The following NHSL1 variants were observed in gnomAD, a reference collection of about 807,000 sequenced individuals.
NHSL1 encodes the protein NHS like 1.
Under a neutral mutation model 95.0 loss-of-function variants are expected in NHSL1, and 48 were observed. The observed-to-expected ratio is 0.51, with a 90% confidence interval of 0.40 to 0.64. NHSL1 has a LOEUF of 0.64. Among genes scored for constraint, NHSL1 ranks in the 30% least tolerant of loss-of-function variants. The pLI is 0.00. For missense variants in NHSL1, 1,971 were observed against 2,077.7 expected, an observed-to-expected ratio of 0.95 and a Z score of 1.00; for synonymous variants, 783 against 833.9, an observed-to-expected ratio of 0.94 and a Z score of 1.05.
At chr6:138,562,172 AT>A (rs1251464547) in intron 1 of NHSL1, among the ~76,000 whole-genome samples, 1 of 152,212 alleles carries the variant, frequency 6.6e-6, no homozygotes, top group African/African-American at 2.4e-5. Context: ...TTCCAATCAC[AT>A]TTATTAAAAC....
At chr6:138,523,238 G>A (rs2128310172) in intron 1 of NHSL1, among the ~76,000 whole-genome samples, 1 of 152,268 alleles carries the variant, frequency 6.6e-6, no homozygotes, top group Non-Finnish European at 1.5e-5. Flanking sequence ...GTGGGGCAGG[G>A]GAATGGTGGG....
At chr6:138,477,800 G>A (rs1779167711) in intron 2 of NHSL1, among the ~76,000 whole-genome samples, 1 of 152,086 alleles carries the variant, frequency 6.6e-6, no homozygotes, top group East Asian at 1.9e-4. Context: ...TTCTAAGGAT[G>A]ATTATTAGTT....
chr6:138,455,616 A>G (rs1410569636), intron 3 of NHSL1, among the ~76,000 whole-genome samples: 1 of 152,142 alleles, frequency 6.6e-6, no homozygotes, highest in Non-Finnish European at 1.5e-5. Context: ...GCCATTTCAT[A>G]TTTCTGAGTC....
intron 2 of NHSL1, among the ~76,000 whole-genome samples, chr6:138,489,264 T>C (rs555963242): frequency 2.6e-5 from 4 of 152,336 alleles, no homozygotes; most frequent in Admixed American, 1.3e-4. Flanking sequence ...GGCAGGTACA[T>C]TGAGATATTA....
At chr6:138,556,379 T>TA (rs1260082119) in intron 1 of NHSL1, among the ~76,000 whole-genome samples, 1 of 152,168 alleles carries the variant, frequency 6.6e-6, no homozygotes, top group African/African-American at 2.4e-5. Context: ...ACAGAAGGAA[T>TA]AACAATGCTT....
chr6:138,476,934 C>T (rs1400366004), intron 2 of NHSL1, among the ~76,000 whole-genome samples: 2 of 144,696 alleles, frequency 1.4e-5, no homozygotes, highest in Admixed American at 7.0e-5. Context: ...ATGTAACAAA[C>T]CTGCACATAT....
At position 138,673,027 on chromosome 6, in the gene NHSL1, A is replaced by C. The variant is rs1286059812; in HGVS notation, c.96+19449T>G. On this transcript the variant is annotated intron_variant, in intron 1 of 3. Coordinates refer to the NHSL1 transcript ENST00000491526. Reference sequence around the variant, plus strand: ...GACTGTCTCATAGATAGCTAGATAGATAGGTAGATAGATAGATAGATAGAT... The same window carrying C: ...GACTGTCTCATAGATAGCTAGATAGCTAGGTAGATAGATAGATAGATAGAT... 5.5e-5 allele frequency among the ~76,000 whole-genome samples: 3 copies of C among 54,320 alleles called. No homozygotes were observed. In the East Asian group the frequency reaches 1.7e-3, roughly 30 times the overall value. 35.6% of individuals were successfully genotyped at this position (54,320 alleles called of 152,430 possible).
rs1258849271 is a variant in NHSL1, at chr6:138,431,915, G to A, written c.2430C>T (p.Asn810=). Residue 810 remains asparagine, a synonymous_variant, in exon 6 of 8, where the codon AAC becomes AAT. Coordinates refer to ENST00000343505, the MANE Select transcript of NHSL1 (RefSeq NM_001144060.2). This position sits in a 1 kb window ranked among gnomAD's most constrained non-coding sequence, Gnocchi z 4.0. ...CTTCTTGGACATGGCGGACTGGCCC[G>A]TTCCCAGTGGGCACCCCACTGCTGG... ...CSTSSGVPTG[N]GPVRHVQEGS... 7.1e-6 allele frequency: 11 copies of A among 1,551,600 alleles called. No individual in the cohort carries two copies. The highest frequency in any genetic ancestry group is 2.7e-5 in the African/African-American group (2 of 73,040).
chr6:138,654,907 AATGAT>A (rs1385009096), intron 1 of NHSL1, among the ~76,000 whole-genome samples: 1 of 152,220 alleles, frequency 6.6e-6, no homozygotes, highest in East Asian at 1.9e-4. Flanking sequence ...TGTGCACATG[AATGAT>A]ATGAGTCAGA....
chr6:138,441,926 C>G (rs1776549163), intron 5 of NHSL1, 57 bp downstream of exon 5: 1 of 1,471,372 alleles, frequency 6.8e-7, no homozygotes, highest in Non-Finnish European at 9.1e-7. Context: ...ATGAGGTTAG[C>G]GCAGTAAGGC....
intron 1 of NHSL1, among the ~76,000 whole-genome samples, chr6:138,560,369 C>T (rs930949610): frequency 9.9e-5 from 15 of 152,174 alleles, no homozygotes; most frequent in African/African-American, 3.6e-4. Flanking sequence ...AAATGAGACA[C>T]GGTGGCTTAA....
chr6:138,447,784 A>T (rs79168382), intron 3 of NHSL1, among the ~76,000 whole-genome samples: 5,691 of 152,292 alleles, frequency 0.037, 255 homozygotes, highest in African/African-American at 0.11. Flanking sequence ...AAAAAATTTT[A>T]AAAAGAAAGT....
intron 1 of NHSL1, among the ~76,000 whole-genome samples, chr6:138,677,020 C>T (rs1323642590): frequency 1.3e-5 from 2 of 152,192 alleles, no homozygotes; most frequent in African/African-American, 4.8e-5. Flanking sequence ...GTGGATTATA[C>T]TGTACTAACA....
chr6:138,464,844 C>T (rs1473027369), intron 3 of NHSL1, among the ~76,000 whole-genome samples: 1 of 150,942 alleles, frequency 6.6e-6, no homozygotes, highest in Non-Finnish European at 1.5e-5. Context: ...TCTCTAGTAG[C>T]TGAGATTACA....
intron 1 of NHSL1, among the ~76,000 whole-genome samples, chr6:138,609,863 T>TGAA (rs1162348223): frequency 6.6e-6 from 1 of 151,888 alleles, no homozygotes; most frequent in Non-Finnish European, 1.5e-5. Context: ...CAGGCACCAA[T>TGAA]ACTCAATAAT....
chr6:138,540,824 C>T (rs1782550862), intron 1 of NHSL1, among the ~76,000 whole-genome samples: 1 of 152,138 alleles, frequency 6.6e-6, no homozygotes, highest in African/African-American at 2.4e-5. Context: ...CTGGGACACA[C>T]CCAATTCCAC....
chr6:138,647,167 T>A (rs748525218), intron 1 of NHSL1, among the ~76,000 whole-genome samples: 38 of 152,210 alleles, frequency 2.5e-4, no homozygotes, highest in Admixed American at 7.2e-4. Context: ...ATATATTTTG[T>A]TCTGTAGTTT....
In NHSL1 at chr6:138,671,192, C is replaced by T. The variant is rs539424678; in HGVS notation, c.96+21284G>A. ...TAAAAATAGGTCGGGCGTGGTGGCT[C>T]ACGCCTGTAATCCCAACACTTTGGG... is the stretch of plus-strand genomic sequence containing the variant. On this transcript the variant is annotated intron_variant, in intron 1 of 3. Coordinates refer to the NHSL1 transcript ENST00000491526. Among the ~76,000 whole-genome samples, 5 of 152,064 alleles carry T rather than the reference C, an allele frequency of 3.3e-5. No homozygotes were observed. In the East Asian group the frequency reaches 7.8e-4, roughly 24 times the overall value.
intron 1 of NHSL1, among the ~76,000 whole-genome samples, chr6:138,551,091 C>T (rs928899658): frequency 3.9e-5 from 6 of 152,158 alleles, no homozygotes; most frequent in Non-Finnish European, 5.9e-5. Context: ...TTTATTACAG[C>T]ATACTGTTAT....
Sources: gnomAD v4.1 joint callset for allele counts (sites outside exome capture counted in the v4.1 genomes callset) on GRCh38, gnomAD v4.1.1 for gene constraint, Gnocchi (gnomAD v3.1) non-coding constraint, MANE v1.5 for transcripts, NCBI Gene and HGNC (gene_info 2026-07-23, HGNC 2026-07-21) for gene names.